BRWD3: variants seen among roughly 807,000 people sequenced by gnomAD.
BRWD3 encodes bromodomain and WD repeat-containing protein 3.
Under a neutral mutation model 149.7 loss-of-function variants are expected in BRWD3, and 10 were observed. That is an observed-to-expected ratio of 0.07 (90% confidence interval 0.04 to 0.11). BRWD3 has a LOEUF of 0.11. Among genes scored for constraint, BRWD3 ranks in the 10% least tolerant of loss-of-function variants. The pLI is 1.00. For missense variants in BRWD3, 940 were observed against 1,373.2 expected, an observed-to-expected ratio of 0.68 and a Z score of 4.99; for synonymous variants, 504 against 456.7, an observed-to-expected ratio of 1.10 and a Z score of -1.32.
chrX:80,682,485 T>C lies in BRWD3; in HGVS notation c.4377A>G (p.Leu1459=), dbSNP rs138240307. The C allele has an allele frequency of 2.9e-4, 345 of 1,208,883 alleles. No homozygotes were observed. Among genetic ancestry groups the C allele is most frequent in the Non-Finnish European group, 2.8e-4 (251 of 894,420 alleles). ...RKRLRSSSSS[L]SSSGAPSPKG... is the part of the protein sequence containing the mutation. ...GATACCTAGGTGCTCCACTACTAGATAATGAACTGCTGCTGCTTCTTAGAC... is the reference window on the plus strand; with the variant it reads ...GATACCTAGGTGCTCCACTACTAGACAATGAACTGCTGCTGCTTCTTAGAC... Residue 1459 remains leucine, a synonymous_variant, in exon 38 of 41, where the codon TTA becomes TTG. Coordinates refer to ENST00000373275, the MANE Select transcript of BRWD3 (RefSeq NM_153252.5).
chrX:80,726,723 A>G (rs758607184), intron 14 of BRWD3, among the ~76,000 whole-genome samples: 1 of 111,324 alleles, frequency 9.0e-6, no homozygotes, highest in South Asian at 3.7e-4. Context: ...CACCTTGCTG[A>G]AAGAAAATAT....
intron 24 of BRWD3, among the ~76,000 whole-genome samples, chrX:80,700,442 A>ATATATATATATATATATATATATAT (rs58761845): frequency 7.4e-5 from 7 of 94,692 alleles, no homozygotes; most frequent in Non-Finnish European, 1.1e-4. Flanking sequence ...TGATATATAT[A>ATATATATATATATATATATATATAT]ACAATACAAT....
At chrX:80,738,129 AT>A (rs1256444150) in intron 8 of BRWD3, among the ~76,000 whole-genome samples, 1 of 112,590 alleles carries the variant, frequency 8.9e-6, no homozygotes, top group East Asian at 2.8e-4. Flanking sequence ...AAGTGAAGAA[AT>A]ATTGAAACCT....
rs777503508 is a variant in BRWD3, at chrX:80,676,926, C to T, written c.5092G>A (p.Gly1698Arg). The T allele has an allele frequency of 9.2e-6, 11 of 1,199,800 alleles. No homozygotes were observed. The highest frequency in any genetic ancestry group is 1.8e-5 in the South Asian group (1 of 56,500). ...CCCCTAGTGCCACCTCCACCTCTTC[C>T]TCGACTCCCTCGTCCCCTGCCTCCT... ...GRGGRGRGSR[G>R]RGGGGTRGRG... is the part of the protein sequence containing the mutation. Residue 1698 changes from glycine (G) to arginine (R), a missense_variant, in exon 41 of 41, where the codon GGA becomes AGA. Coordinates refer to ENST00000373275, the MANE Select transcript of BRWD3 (RefSeq NM_153252.5).
chrX:80,800,844 A>C (rs1482522356), intron 4 of BRWD3, among the ~76,000 whole-genome samples: 1 of 111,161 alleles, frequency 9.0e-6, no homozygotes, highest in Non-Finnish European at 1.9e-5. Context: ...GAAAATGCTA[A>C]TCATTATGCA....
intron 4 of BRWD3, among the ~76,000 whole-genome samples, chrX:80,808,216 A>C (rs909944957): frequency 1.8e-5 from 2 of 108,814 alleles, no homozygotes; most frequent in Non-Finnish European, 3.8e-5. Context: ...TACGTGCCCC[A>C]AGATAACCCC....
At chrX:80,685,610 A>C (rs2072510508) in intron 35 of BRWD3, 74 bp from the exon 36 acceptor site, 3 of 818,649 alleles carry the variant, frequency 3.7e-6, no homozygotes, top group Admixed American at 4.8e-5. Flanking sequence ...TACAATTATG[A>C]CTTAAGTCTC....
intron 8 of BRWD3, among the ~76,000 whole-genome samples, chrX:80,738,150 T>A (rs767910371): frequency 8.9e-6 from 1 of 112,641 alleles, no homozygotes. Context: ...TTTATCTCCA[T>A]TGCATTTAAA....
chrX:80,789,848 C>T (rs1234462359), intron 6 of BRWD3, among the ~76,000 whole-genome samples: 21 of 103,083 alleles, frequency 2.0e-4, no homozygotes, highest in African/African-American at 6.7e-4. Flanking sequence ...GAAAAACTGT[C>T]AATTCTTTAT....
intron 4 of BRWD3, among the ~76,000 whole-genome samples, chrX:80,803,226 C>A (rs1241079854): frequency 2.7e-5 from 3 of 110,575 alleles, no homozygotes; most frequent in Admixed American, 9.6e-5. Context: ...GTTTATTAAT[C>A]AATCAGTAAT....
chrX:80,808,605 G>A lies in BRWD3; in HGVS notation c.121-7C>T. On this transcript the variant is annotated splice_region_variant and splice_polypyrimidine_tract_variant and intron_variant, in intron 3 of 40. Transcript: ENST00000373275. ...CTAAGCGGCGCGGAATCAGCTGGGG[G>A]CCGGACGAAAAGAAAGGGGGAAGCG... 5 of 1,207,390 alleles carry A rather than the reference G, an allele frequency of 4.1e-6. No homozygotes were observed. The highest frequency in any genetic ancestry group is 5.6e-6 in the Non-Finnish European group (5 of 892,730).
chrX:80,772,513 T>C (rs747275712), intron 6 of BRWD3, among the ~76,000 whole-genome samples: 2 of 110,782 alleles, frequency 1.8e-5, no homozygotes, highest in Non-Finnish European at 3.8e-5. Flanking sequence ...AAATACCTAA[T>C]GTAAATGACG....
chrX:80,755,120 T>C (rs1413687360), intron 6 of BRWD3, among the ~76,000 whole-genome samples: 1 of 112,147 alleles, frequency 8.9e-6, no homozygotes. Context: ...CATTTACAGA[T>C]TTGTAAATGT....
chrX:80,773,512 A>C (rs190520621), intron 6 of BRWD3, among the ~76,000 whole-genome samples: 1 of 111,879 alleles, frequency 8.9e-6, no homozygotes, highest in Admixed American at 9.5e-5. Context: ...TTAGTTACAT[A>C]TTTCTGATTT....
chrX:80,683,238 T>C (rs2072480308), intron 37 of BRWD3, among the ~76,000 whole-genome samples: 1 of 111,609 alleles, frequency 9.0e-6, no homozygotes, highest in Non-Finnish European at 1.9e-5. Flanking sequence ...TTTTAAAGAA[T>C]TTATAAGCAT....
At position 80,791,866 on chromosome X, in the gene BRWD3, G is replaced by A; in HGVS notation, c.418C>T (p.Pro140Ser). Reference sequence around the variant, plus strand: ...GTATATTACTCACCCACATTTGGAGGTTTCACATAATTTACAGGTAGTTCT... The same window carrying A: ...GTATATTACTCACCCACATTTGGAGATTTCACATAATTTACAGGTAGTTCT... ...PPELPVNYVK[P>S]PNVVNITSAR... The change falls in exon 6 of 41, where the codon CCT becomes TCT. Residue 140 changes from proline to serine, a missense_variant. Transcript: ENST00000373275. 1 of 1,201,258 alleles carries A rather than the reference G, an allele frequency of 8.3e-7. No individual in the cohort carries two copies. The highest frequency in any genetic ancestry group is 1.7e-5 in the African/African-American group (1 of 57,545).
intron 20 of BRWD3, among the ~76,000 whole-genome samples, chrX:80,710,908 A>G (rs1031834076): frequency 2.7e-5 from 3 of 111,147 alleles, no homozygotes; most frequent in Non-Finnish European, 3.8e-5. Context: ...ATCACTTTCT[A>G]GAAAGTACAG....
At chrX:80,784,191 A>G (rs2074085286) in intron 6 of BRWD3, among the ~76,000 whole-genome samples, 2 of 111,220 alleles carry the variant, frequency 1.8e-5, no homozygotes, top group South Asian at 7.6e-4. Context: ...CACATACCCA[A>G]CAAATATACA....
intron 24 of BRWD3, among the ~76,000 whole-genome samples, chrX:80,702,521 TTC>T (rs1407054150): frequency 2.7e-5 from 3 of 112,419 alleles, no homozygotes; most frequent in Non-Finnish European, 5.6e-5. Flanking sequence ...ATTTTACAAG[TTC>T]TCTGTTTTTA....
Sources: allele counts gnomAD v4.1 joint callset (sites outside exome capture counted in the v4.1 genomes callset), GRCh38; gene constraint gnomAD v4.1.1; transcripts MANE v1.5; gene names NCBI Gene and HGNC (gene_info 2026-07-23, HGNC 2026-07-21).